PUS7: variants seen among roughly 807,000 people sequenced by gnomAD.
The protein encoded by PUS7 is pseudouridylate synthase 7 homolog.
A neutral mutation model predicts 79.8 loss-of-function variants in PUS7; 48 were observed. The observed-to-expected ratio is 0.60, with a 90% CI of 0.48 to 0.76. The LOEUF is 0.76. PUS7 is among the 30% of genes least tolerant of loss of function. The pLI is 0.00. For synonymous variants in PUS7, 286 were observed against 272.2 expected (o/e 1.05, Z -0.50); for missense variants, 729 against 797.6 (o/e 0.91, Z 1.04).
At chr7:105,509,034 A>C (rs984468015) in intron 1 of PUS7, among the ~76,000 whole-genome samples, 5 of 149,660 alleles carry the variant, frequency 3.3e-5, no homozygotes, top group African/African-American at 9.9e-5. Flanking sequence ...CAAAAAAAAA[A>C]CTAGCTGGGC....
chr7:105,502,270 T>C, intron 5 of PUS7, 150 bp downstream of exon 5: 1 of 997,842 alleles, frequency 1.0e-6, no homozygotes, highest in Non-Finnish European at 1.5e-6. Context: ...GAAGTGACAA[T>C]ACTCACCCTC....
At chr7:105,519,347 C>A (rs573784966) in intron 1 of PUS7, among the ~76,000 whole-genome samples, 31 of 152,192 alleles carry the variant, frequency 2.0e-4, no homozygotes. Flanking sequence ...GATTCTCCTA[C>A]CTCAGCCTCC....
At chr7:105,497,872 TTTC>T (rs1825099627) in intron 5 of PUS7, among the ~76,000 whole-genome samples, 1 of 152,238 alleles carries the variant, frequency 6.6e-6, no homozygotes, top group South Asian at 2.1e-4. Flanking sequence ...CCATATACTA[TTTC>T]CTCTATTTGA....
At chr7:105,501,970 ATATAT>A (rs1301606146) in intron 5 of PUS7, among the ~76,000 whole-genome samples, 240 of 74,282 alleles carry the variant, frequency 3.2e-3, no homozygotes, top group African/African-American at 8.8e-3. Flanking sequence ...AAAAAAAAAA[ATATAT>A]ATATATATAT....
At chr7:105,518,133 G>C (rs987540432) in intron 1 of PUS7, among the ~76,000 whole-genome samples, 2 of 151,140 alleles carry the variant, frequency 1.3e-5, no homozygotes. Flanking sequence ...GGGTGACAGA[G>C]GGAGACTCTG....
intron 1 of PUS7, among the ~76,000 whole-genome samples, chr7:105,511,942 G>C (rs1363089729): frequency 6.6e-6 from 1 of 151,868 alleles, no homozygotes; most frequent in South Asian, 2.1e-4. Flanking sequence ...TCAGGAGTTC[G>C]AGACCAGCCT....
At chr7:105,483,045 T>C (rs998976686) in intron 7 of PUS7, among the ~76,000 whole-genome samples, 3 of 152,218 alleles carry the variant, frequency 2.0e-5, no homozygotes, top group African/African-American at 4.8e-5. Context: ...TATCAATATA[T>C]AGAAATTTTC....
intron 6 of PUS7, among the ~76,000 whole-genome samples, chr7:105,494,726 C>T (rs1824935911): frequency 6.6e-6 from 1 of 151,770 alleles, no homozygotes; most frequent in South Asian, 2.1e-4. Context: ...ATTCTTAATC[C>T]CAGTACTTTG....
intron 5 of PUS7, among the ~76,000 whole-genome samples, chr7:105,496,773 G>A (rs935901737): frequency 1.5e-5 from 2 of 131,344 alleles, no homozygotes; most frequent in African/African-American, 5.2e-5. Context: ...AGTATTACAA[G>A]TATTTCTTTA....
At chr7:105,459,034 T>C (rs1261303921) in intron 15 of PUS7, 134 bp downstream of exon 15, 1 of 495,762 alleles carries the variant, frequency 2.0e-6, no homozygotes, top group East Asian at 3.2e-5. Context: ...ATTGTGAAAG[T>C]AAGGTCATAA....
chr7:105,496,226 T>TAGAGAGAGAGAGAGAG (rs1220535538), intron 5 of PUS7, among the ~76,000 whole-genome samples: 13 of 81,142 alleles, frequency 1.6e-4, no homozygotes, highest in East Asian at 4.0e-4. Flanking sequence ...TATATATATA[T>TAGAGAGAGAGAGAGAG]AGAGAGAGAG....
chr7:105,472,798 G>GGC (rs901045942), intron 9 of PUS7, among the ~76,000 whole-genome samples: 48 of 152,144 alleles, frequency 3.2e-4, no homozygotes, highest in African/African-American at 1.1e-3. Flanking sequence ...CTGTTGCCCA[G>GGC]GCTGGAGTGC....
chr7:105,508,598 C>G (rs1001421238), intron 1 of PUS7, 54 bp from the exon 2 acceptor site: 2 of 1,530,536 alleles, frequency 1.3e-6, no homozygotes, highest in Non-Finnish European at 1.7e-6. Flanking sequence ...TGGTTTCAGG[C>G]CGGGCGCGGT....
intron 9 of PUS7, among the ~76,000 whole-genome samples, chr7:105,478,012 G>A (rs546201511): frequency 6.6e-6 from 1 of 151,746 alleles, no homozygotes; most frequent in African/African-American, 2.4e-5. Flanking sequence ...CCTTGCTATG[G>A]TGCCCAGGCT....
At chr7:105,489,396 G>C (rs1824695165) in intron 7 of PUS7, among the ~76,000 whole-genome samples, 1 of 151,764 alleles carries the variant, frequency 6.6e-6, no homozygotes, top group African/African-American at 2.4e-5. Context: ...GGGAGTCCCT[G>C]GTCCATTACC....
chr7:105,475,293 C>T (rs1451943266), intron 9 of PUS7, among the ~76,000 whole-genome samples: 1 of 152,152 alleles, frequency 6.6e-6, no homozygotes, highest in African/African-American at 2.4e-5. Context: ...TCACGCCATT[C>T]TTCTGCCTCA....
rs1823221218 is a variant in PUS7, at chr7:105,457,142, A to G, written c.*648T>C. ...GCTACAGAGTGAGATCCTGTCTCGA[A>G]AAAAAAAATAAAAAAATAAAATGGG... On this transcript the variant is annotated 3_prime_UTR_variant, in exon 16 of 16. Coordinates refer to ENST00000469408, the MANE Select transcript of PUS7 (RefSeq NM_019042.5). 1 of 151,772 alleles carries G rather than the reference A, an allele frequency of 6.6e-6. No homozygotes were observed. 9.4% of individuals were successfully genotyped at this position (151,772 alleles called of 1,614,324 possible).
chr7:105,508,159 C>T lies in PUS7; in HGVS notation c.354G>A (p.Lys118=). ...AGAACCCTTGATGAGAACTCACAAA[C>T]TTGGTGATGCCTACGTCAGCCTCAG... The part of the protein sequence containing the change: ...GLTEADVGIT[K]FVSSHQGFSG... The change falls in exon 2 of 16, where the codon AAG becomes AAA. Residue 118 remains lysine, a synonymous_variant. Transcript: ENST00000469408. 1 of 1,614,160 alleles carries T rather than the reference C, an allele frequency of 6.2e-7. No individual in the cohort carries two copies. The highest frequency in any genetic ancestry group is 8.5e-7 in the Non-Finnish European group (1 of 1,180,024).
intron 14 of PUS7, among the ~76,000 whole-genome samples, chr7:105,460,031 C>T (rs943682402): frequency 3.3e-5 from 5 of 152,178 alleles, no homozygotes; most frequent in Non-Finnish European, 5.9e-5. Flanking sequence ...CTCCGCCTCC[C>T]GGGTTCACAC....
Sources: gnomAD v4.1 joint callset for allele counts (sites outside exome capture counted in the v4.1 genomes callset) on GRCh38, gnomAD v4.1.1 for gene constraint, MANE v1.5 for transcripts, NCBI Gene and HGNC (gene_info 2026-07-23, HGNC 2026-07-21) for gene names.